ECSCR: variants seen among roughly 807,000 people sequenced by gnomAD.
ECSCR encodes endothelial cell surface expressed chemotaxis and apoptosis regulator.
In ECSCR, 12 loss-of-function variants were observed where a neutral mutation model predicts 16.7. The observed-to-expected ratio is 0.72, with a 90% confidence interval of 0.46 to 1.17. The LOEUF (loss-of-function observed/expected upper bound fraction) is 1.17. ECSCR is among the 50% of genes most tolerant of loss of function. The probability of loss-of-function intolerance (pLI) is 0.00; values close to 1 mark genes in which losing one functional copy is unlikely to be tolerated. For missense variants in ECSCR, 122 were observed against 116.1 expected, an observed-to-expected ratio of 1.05 and a Z score of -0.23; for synonymous variants, 44 against 42.2, an observed-to-expected ratio of 1.04 and a Z score of -0.17.
chr5:139,451,871 G>A (rs1286399215), intron 8 of ECSCR, among the ~76,000 whole-genome samples: 1 of 150,278 alleles, frequency 6.7e-6, no homozygotes, highest in East Asian at 2.0e-4. Context: ...TCGTGTGTGT[G>A]TAGTATAGGG....
At chr5:139,452,281 TG>T (rs1751074687) in intron 8 of ECSCR, among the ~76,000 whole-genome samples, 1 of 142,606 alleles carries the variant, frequency 7.0e-6, no homozygotes, top group Non-Finnish European at 1.5e-5. Context: ...GTGTGGGGTG[TG>T]GGGTGTGTGG....
Position 139,448,783 on chromosome 5 carries a change from A to C in ECSCR, c.*117T>G, listed in dbSNP as rs562902592. ...GTGTCCTTTAGATCTAGAAGCAGAC[A>C]TGAAACAATAAAATAATTTACATGT... is the stretch of plus-strand genomic sequence containing the variant. On this transcript the variant is annotated 3_prime_UTR_variant, in exon 10 of 10. Transcript: ENST00000618155. The C allele has an allele frequency of 1.8e-4, 265 of 1,500,104 alleles. No individual in the cohort carries two copies. Among genetic ancestry groups the C allele is most frequent in the Non-Finnish European group, 2.3e-4 (258 of 1,130,720 alleles). 92.9% of individuals were successfully genotyped at this position (1,500,104 alleles called of 1,614,324 possible). A position where few individuals can be genotyped will look rare whatever the true frequency, so the allele number is the denominator to read the frequency against.
At chr5:139,457,627 G>A in intron 3 of ECSCR, 23 bp from the exon 4 acceptor site, 1 of 993,486 alleles carries the variant, frequency 1.0e-6, no homozygotes, top group South Asian at 1.3e-5. Flanking sequence ...AGGCAGATAG[G>A]GAGTGGGAGG....
chr5:139,456,546 TG>T, intron 4 of ECSCR, 28 bp from the exon 5 acceptor site: 2 of 398,706 alleles, frequency 5.0e-6, no homozygotes, highest in Non-Finnish European at 8.8e-6. Flanking sequence ...ATGACCAAGA[TG>T]GGGGCATCCC....
chr5:139,460,777 AT>A (rs1397841194), intron 1 of ECSCR, among the ~76,000 whole-genome samples: 24 of 151,858 alleles, frequency 1.6e-4, no homozygotes, highest in African/African-American at 5.8e-4. Context: ...CCCCTCTCTA[AT>A]TCTGTCTGCT....
Position 139,449,184 on chromosome 5 carries a change from G to A in ECSCR, c.513-10C>T, listed in dbSNP as rs1435122126. On this transcript the variant is annotated splice_polypyrimidine_tract_variant and intron_variant, in intron 8 of 9. Coordinates refer to ENST00000618155, the MANE Select transcript of ECSCR (RefSeq NM_001077693.4). The stretch of plus-strand genomic sequence containing the variant: ...ATTGGCTGTGGAGCAGCTGGGGGAG[G>A]AAGGGGGTCTGGGTTAAAGAGAGGA... 3.3e-6 allele frequency: 5 copies of A among 1,535,688 alleles called. No homozygotes were observed. In the African/African-American group the frequency reaches 4.1e-5, roughly 13 times the overall value.
intron 8 of ECSCR, 50 bp from the exon 9 acceptor site, chr5:139,449,224 T>C: frequency 1.5e-6 from 2 of 1,363,864 alleles, no homozygotes; most frequent in Non-Finnish European, 2.0e-6. Flanking sequence ...GGCAGGGCAA[T>C]GGGGAGTCAA....
intron 4 of ECSCR, 148 bp from the exon 5 acceptor site, chr5:139,456,666 A>C (rs1359407717): frequency 2.6e-5 from 10 of 391,750 alleles, no homozygotes; most frequent in Non-Finnish European, 4.1e-5. Flanking sequence ...ATTTTGGGGT[A>C]TCCTTCTCCT....
At position 139,459,978 on chromosome 5, in the gene ECSCR, G is replaced by T. The variant is rs369229656; in HGVS notation, c.62-1795C>A. 1.4e-3 allele frequency among the ~76,000 whole-genome samples: 211 copies of T among 152,344 alleles called. 1 individual carries two copies. The highest frequency in any genetic ancestry group is 4.8e-3 in the African/African-American group (201 of 41,578). ...GAGCCCCATTCCCTTGTTGGCGAGA[G>T]GGGGATGGTCAAGAGGGGAGTCAAA... On this transcript the variant is annotated intron_variant, in intron 1 of 9. Coordinates refer to ENST00000618155, the MANE Select transcript of ECSCR (RefSeq NM_001077693.4).
chr5:139,462,618 A>G lies in ECSCR; in HGVS notation c.53T>C (p.Leu18Pro). The G allele has an allele frequency of 6.3e-7, 1 of 1,597,768 alleles. No individual in the cohort carries two copies. The highest frequency in any genetic ancestry group is 8.5e-7 in the Non-Finnish European group (1 of 1,172,558). The change falls in exon 1 of 10, where the codon CTG becomes CCG. Residue 18 changes from leucine to proline, a missense_variant. Physicochemically the swap from Leu to Pro is moderately conservative, Grantham distance 98. Transcript: ENST00000618155. ...CGGCAGGCACCTCTTACCTCGGAAC[A>G]GGAGGAAGCCCAGGATCACCCAGCA... ...QLCWVILGFL[L>P]FRGHNSQPTM...
intron 1 of ECSCR, among the ~76,000 whole-genome samples, chr5:139,461,719 G>A (rs915503852): frequency 1.3e-5 from 2 of 152,130 alleles, no homozygotes; most frequent in East Asian, 1.9e-4. Context: ...TGACATCTCC[G>A]GAAGCCAGTG....
At chr5:139,449,258 T>C in intron 8 of ECSCR, 84 bp from the exon 9 acceptor site, 1 of 999,830 alleles carries the variant, frequency 1.0e-6, no homozygotes, top group Non-Finnish European at 1.5e-6. Flanking sequence ...TGTTGAGCCT[T>C]AGACCTTTGT....
At chr5:139,456,668 C>G in intron 4 of ECSCR, 150 bp from the exon 5 acceptor site, 2 of 391,710 alleles carry the variant, frequency 5.1e-6, no homozygotes, top group African/African-American at 2.1e-5. Context: ...TTTGGGGTAT[C>G]CTTCTCCTCC....
At position 139,449,094 on chromosome 5, in the gene ECSCR, CTTTG is replaced by C. The variant is rs1472195769; in HGVS notation, c.589_592del (p.Gln197ValfsTer16). Reference sequence around the variant, plus strand: ...AAAATGTACCTTCTCTGCTGAGAGACTTTGTTTGCCATTATTCATGTTGATGTTC... The same window carrying C: ...AAAATGTACCTTCTCTGCTGAGAGACTTTGCCATTATTCATGTTGATGTTC... On this transcript the variant is annotated frameshift_variant, in exon 9 of 10. Coordinates refer to ENST00000618155, the MANE Select transcript of ECSCR (RefSeq NM_001077693.4). 3.3e-6 allele frequency: 5 copies of C among 1,536,930 alleles called. No individual in the cohort carries two copies. Among genetic ancestry groups the C allele is most frequent in the African/African-American group, 2.7e-5 (2 of 72,970 alleles).
intron 5 of ECSCR, among the ~76,000 whole-genome samples, chr5:139,456,102 A>G (rs1238512741): frequency 6.6e-6 from 1 of 152,116 alleles, no homozygotes; most frequent in East Asian, 1.9e-4. Flanking sequence ...AGCATAGGCA[A>G]CAGAGCGAGA....
intron 5 of ECSCR, among the ~76,000 whole-genome samples, chr5:139,455,991 G>A (rs1751150695): frequency 6.6e-6 from 1 of 151,932 alleles, no homozygotes; most frequent in Non-Finnish European, 1.5e-5. Flanking sequence ...GCATGGTGAC[G>A]CGTGCCTATA....
intron 8 of ECSCR, among the ~76,000 whole-genome samples, 186 bp downstream of exon 8, chr5:139,454,416 G>C: frequency 6.7e-6 from 1 of 149,382 alleles, no homozygotes; most frequent in African/African-American, 2.5e-5. Context: ...TTTGAGGTGT[G>C]TGTGGGTGTG....
At chr5:139,451,193 G>T (rs985465974) in intron 8 of ECSCR, among the ~76,000 whole-genome samples, 1 of 149,062 alleles carries the variant, frequency 6.7e-6, no homozygotes, top group African/African-American at 2.5e-5. Flanking sequence ...GTGTGTATGT[G>T]GTGTGGGGTG....
intron 8 of ECSCR, among the ~76,000 whole-genome samples, chr5:139,450,402 G>C (rs1251408132): frequency 2.6e-5 from 4 of 151,566 alleles, no homozygotes; most frequent in Non-Finnish European, 4.4e-5. Flanking sequence ...TACTTGACAG[G>C]CTGAGGTGGG....
Sources: allele counts gnomAD v4.1 joint callset (sites outside exome capture counted in the v4.1 genomes callset), GRCh38; gene constraint gnomAD v4.1.1; transcripts MANE v1.5; gene names NCBI Gene and HGNC (gene_info 2026-07-23, HGNC 2026-07-21).